The following ANO6 variants were observed in gnomAD, a reference collection of about 807,000 sequenced individuals.
The protein encoded by ANO6 is anoctamin 6.
A neutral mutation model predicts 117.5 loss-of-function variants in ANO6; 106 were observed. The ratio of observed to expected loss-of-function variants is 0.90; its 90% CI spans 0.77 to 1.06. The LOEUF is 1.06. Ranked by LOEUF, ANO6 falls within the 50% of genes least tolerant of loss-of-function variation. ANO6 has a pLI of 0.00. For missense variants in ANO6, 955 were observed against 1,121.1 expected (o/e 0.85, Z 2.12); for synonymous variants, 367 against 385.1 (o/e 0.95, Z 0.55).
At chr12:45,280,778 G>T (rs1938700237) in intron 1 of ANO6, among the ~76,000 whole-genome samples, 1 of 152,094 alleles carries the variant, frequency 6.6e-6, no homozygotes. Flanking sequence ...AAGGAAACCT[G>T]CAGGGGCTAC....
chr12:45,437,528 T>TTCATACATATGATTCATAC (rs1943720739), intron 19 of ANO6, among the ~76,000 whole-genome samples: 1 of 152,354 alleles, frequency 6.6e-6, no homozygotes, highest in South Asian at 2.1e-4. Context: ...ATTTACTATA[T>TTCATACATATGATTCATAC]TCATACATAT....
In ANO6 at chr12:45,421,148, G is replaced by A; in HGVS notation, c.2295G>A (p.Gly765=). Residue 765 remains glycine, a synonymous_variant, in exon 18 of 20, where the codon GGG becomes GGA. Coordinates refer to ENST00000320560, the MANE Select transcript of ANO6 (RefSeq NM_001025356.3). ...YYWSFSVPPY[G]DHTSYTMEGY... ...GGTCCTTCTCCGTCCCTCCCTACGG[G>A]GACCACACTTCCTACACCATGGAAG... 1 of 1,614,070 alleles carries A rather than the reference G, an allele frequency of 6.2e-7. No individual in the cohort carries two copies. The highest frequency in any genetic ancestry group is 1.3e-5 in the African/African-American group (1 of 74,998).
At chr12:45,320,667 A>G (rs2137365953) in intron 2 of ANO6, among the ~76,000 whole-genome samples, 1 of 152,100 alleles carries the variant, frequency 6.6e-6, no homozygotes, top group East Asian at 1.9e-4. Flanking sequence ...CAGTTCCTGG[A>G]TATCCTTGTT....
chr12:45,349,373 ACAGCAACCC>A (rs1446599874), intron 6 of ANO6, among the ~76,000 whole-genome samples: 1 of 152,234 alleles, frequency 6.6e-6, no homozygotes, highest in Non-Finnish European at 1.5e-5. Context: ...TTCTGAGACC[ACAGCAACCC>A]CTCAAATTCA....
chr12:45,240,618 G>T (rs115698601), intron 1 of ANO6, among the ~76,000 whole-genome samples: 3 of 151,918 alleles, frequency 2.0e-5, no homozygotes, highest in African/African-American at 7.3e-5. Flanking sequence ...TATTTTGACC[G>T]TTAATTGAGG....
chr12:45,255,640 G>A (rs555511295), intron 1 of ANO6, among the ~76,000 whole-genome samples: 2 of 152,186 alleles, frequency 1.3e-5, no homozygotes, highest in Admixed American at 1.3e-4. Context: ...AAAACTTTTT[G>A]CTCAATGAGA....
intron 12 of ANO6, among the ~76,000 whole-genome samples, chr12:45,391,790 T>G (rs1284259586): frequency 6.6e-6 from 1 of 151,788 alleles, no homozygotes; most frequent in Non-Finnish European, 1.5e-5. Context: ...GTCTAGGAGG[T>G]GGAGGTTGCA....
At position 45,242,114 on chromosome 12, in the gene ANO6, A is replaced by G. The variant is rs538696954; in HGVS notation, c.70+25723A>G. ...ACTACTCTCTCCGGAGTTGTCAGACAGGGATGTTTAAGTCTGCAGAAGTTT... is the reference window on the plus strand; with the variant it reads ...ACTACTCTCTCCGGAGTTGTCAGACGGGGATGTTTAAGTCTGCAGAAGTTT... On this transcript the variant is annotated intron_variant, in intron 1 of 19. Coordinates refer to ENST00000320560, the MANE Select transcript of ANO6 (RefSeq NM_001025356.3). Among the ~76,000 whole-genome samples the G allele has an allele frequency of 1.6e-4, 24 of 152,350 alleles. No individual in the cohort carries two copies. The East Asian group carries it at 4.4e-3, about 28-fold the overall frequency.
chr12:45,377,274 G>T (rs992091424), intron 9 of ANO6, among the ~76,000 whole-genome samples: 3 of 151,760 alleles, frequency 2.0e-5, no homozygotes, highest in Non-Finnish European at 4.4e-5. Context: ...ATGTAAAAAT[G>T]CTCACTAATG....
At chr12:45,334,686 C>T (rs148326948) in intron 3 of ANO6, among the ~76,000 whole-genome samples, 28 of 152,136 alleles carry the variant, frequency 1.8e-4, no homozygotes, top group African/African-American at 5.8e-4. Flanking sequence ...AAAGAACAAG[C>T]AGGCTTTTCT....
chr12:45,300,606 T>C (rs1939450961), intron 1 of ANO6, among the ~76,000 whole-genome samples: 1 of 152,228 alleles, frequency 6.6e-6, no homozygotes, highest in African/African-American at 2.4e-5. Flanking sequence ...AGTGGTTATG[T>C]CCTTTAGGGC....
chr12:45,358,045 A>G (rs1055847684), intron 8 of ANO6, among the ~76,000 whole-genome samples: 1 of 152,220 alleles, frequency 6.6e-6, no homozygotes, highest in African/African-American at 2.4e-5. Context: ...AAATTTCACC[A>G]TCACTATTCT....
At chr12:45,219,091 C>T (rs1947358152) in intron 1 of ANO6, among the ~76,000 whole-genome samples, 1 of 152,064 alleles carries the variant, frequency 6.6e-6, no homozygotes, top group Non-Finnish European at 1.5e-5. Context: ...AGGCATGAGC[C>T]ACTGTACCCA....
chr12:45,364,662 T>C (rs1380793885), intron 8 of ANO6, among the ~76,000 whole-genome samples: 1 of 152,224 alleles, frequency 6.6e-6, no homozygotes, highest in Non-Finnish European at 1.5e-5. Flanking sequence ...TCTATTGATA[T>C]TCTCTTTGTT....
At chr12:45,343,026 C>G (rs1035040453) in intron 3 of ANO6, among the ~76,000 whole-genome samples, 2 of 152,002 alleles carry the variant, frequency 1.3e-5, no homozygotes, top group African/African-American at 4.8e-5. Flanking sequence ...AGTGGCTGCC[C>G]TTTTCTCTGT....
At chr12:45,401,758 GGT>G (rs1942793364) in intron 12 of ANO6, 35 bp from the exon 13 acceptor site, 2 of 1,527,010 alleles carry the variant, frequency 1.3e-6, no homozygotes, top group Middle Eastern at 1.7e-4. Flanking sequence ...TGCAGTTATT[GGT>G]GAGTCTCATG....
At chr12:45,235,672 A>G (rs1284978234) in intron 1 of ANO6, among the ~76,000 whole-genome samples, 5 of 152,186 alleles carry the variant, frequency 3.3e-5, no homozygotes, top group Non-Finnish European at 7.3e-5. Context: ...TGGAAAATGG[A>G]TATTTTCTCA....
intron 1 of ANO6, among the ~76,000 whole-genome samples, chr12:45,286,042 A>G (rs1938903845): frequency 6.6e-6 from 1 of 152,236 alleles, no homozygotes; most frequent in East Asian, 1.9e-4. Context: ...CTGAAAAATT[A>G]CCTGAGGCTA....
chr12:45,284,029 T>C (rs1938827667), intron 1 of ANO6, among the ~76,000 whole-genome samples: 1 of 152,196 alleles, frequency 6.6e-6, no homozygotes, highest in Non-Finnish European at 1.5e-5. Context: ...ACAAATTTAT[T>C]TGATCATAGT....
Sources: gnomAD v4.1 joint callset for allele counts (sites outside exome capture counted in the v4.1 genomes callset) on GRCh38, gnomAD v4.1.1 for gene constraint, MANE v1.5 for transcripts, NCBI Gene and HGNC (gene_info 2026-07-23, HGNC 2026-07-21) for gene names.